The following SETD1A variants were observed in gnomAD, a reference collection of about 807,000 sequenced individuals.
The protein encoded by SETD1A is histone-lysine N-methyltransferase SETD1A.
Under a neutral mutation model 149.9 loss-of-function variants are expected in SETD1A, and 29 were observed. That is an observed-to-expected ratio of 0.19 (90% confidence interval 0.14 to 0.26). The LOEUF is 0.26. SETD1A is among the 10% of genes least tolerant of loss of function. The pLI is 1.00. For missense variants in SETD1A, 2,109 were observed against 2,353.1 expected (o/e 0.90, Z 2.15); for synonymous variants, 1,141 against 968.5 (o/e 1.18, Z -3.31).
Position 30,964,599 on chromosome 16 carries a change from G to T in SETD1A, c.870-13G>T, listed in dbSNP as rs752692999. On this transcript the variant is annotated splice_polypyrimidine_tract_variant and intron_variant, in intron 6 of 18. Transcript: ENST00000262519. ...AGAGCTGAGTCCAGCTAACTCCCCT[G>T]CTTCTTCTCCAGCACCACTTCAACC... The T allele has an allele frequency of 1.9e-5, 30 of 1,607,378 alleles. 1 individual carries two copies. The Admixed American group carries it at 2.7e-4, about 14-fold the overall frequency.
At chr16:30,969,272 T>C (rs1441509117) in intron 10 of SETD1A, 33 bp from the exon 11 acceptor site, 1 of 1,598,700 alleles carries the variant, frequency 6.3e-7, no homozygotes, top group Non-Finnish European at 8.5e-7. Context: ...TGGTTGATGG[T>C]AAATTTCCCC....
rs2056354927 is a variant in SETD1A at position 30,980,273 on chromosome 16, C to T, written c.4408+79C>T. The T allele has an allele frequency of 2.0e-6, 3 of 1,485,128 alleles. No homozygotes were observed. The highest frequency in any genetic ancestry group is 2.7e-6 in the Non-Finnish European group (3 of 1,114,436). 92.0% of individuals were successfully genotyped at this position (1,485,128 alleles called of 1,614,324 possible). ...CAGGCACCTGCATCTGTGCCCCACTCTGTCTGCCTCCCCTCTGGCTCCAAG... is the reference window on the plus strand; with the variant it reads ...CAGGCACCTGCATCTGTGCCCCACTTTGTCTGCCTCCCCTCTGGCTCCAAG... On this transcript the variant is annotated intron_variant, in intron 14 of 18. Transcript: ENST00000262519. The surrounding 1 kb of genome is among the most constrained non-coding windows in gnomAD (Gnocchi z 7.7).
chr16:30,974,231 A>G (rs147629985), intron 13 of SETD1A, among the ~76,000 whole-genome samples: 2 of 152,252 alleles, frequency 1.3e-5, no homozygotes, highest in Non-Finnish European at 2.9e-5. Context: ...TGATGAGTGT[A>G]GTTGAGGTTG....
At chr16:30,971,919 A>G (rs2056230467) in intron 13 of SETD1A, among the ~76,000 whole-genome samples, 200 bp downstream of exon 13, 2 of 152,242 alleles carry the variant, frequency 1.3e-5, no homozygotes, top group Non-Finnish European at 2.9e-5. Context: ...GGTGGTTTAC[A>G]GAACCCCAGG....
rs1211518291 is a variant in SETD1A at position 30,964,594 on chromosome 16, C to G, written c.870-18C>G. On this transcript the variant is annotated intron_variant, in intron 6 of 18. Coordinates refer to ENST00000262519, the MANE Select transcript of SETD1A (RefSeq NM_014712.3). ...CATAGAGAGCTGAGTCCAGCTAACTCCCCTGCTTCTTCTCCAGCACCACTT... is the reference window on the plus strand; with the variant it reads ...CATAGAGAGCTGAGTCCAGCTAACTGCCCTGCTTCTTCTCCAGCACCACTT... 1.9e-6 allele frequency: 3 copies of G among 1,605,678 alleles called. No individual in the cohort carries two copies. In the East Asian group the frequency reaches 6.7e-5, roughly 36 times the overall value.
At chr16:30,975,473 C>T (rs1279733513) in intron 13 of SETD1A, among the ~76,000 whole-genome samples, 5 of 148,700 alleles carry the variant, frequency 3.4e-5, no homozygotes, top group Non-Finnish European at 4.5e-5. Flanking sequence ...TTGTGTTACC[C>T]AGCCGGGAGT....
Position 30,979,478 on chromosome 16 carries a change from G to T in SETD1A, c.3692G>T (p.Ser1231Ile). The T allele has an allele frequency of 6.2e-7, 1 of 1,600,104 alleles. No homozygotes were observed. The highest frequency in any genetic ancestry group is 2.3e-5 in the East Asian group (1 of 44,304). The change falls in exon 14 of 19, where the codon AGC (serine) becomes ATC (isoleucine). Residue 1231 changes from serine to isoleucine, a missense_variant. By Grantham distance (142) the Ser-to-Ile change is moderately radical (BLOSUM62 -2). Transcript: ENST00000262519. The stretch of plus-strand genomic sequence containing the variant: ...GAGGAGGTGTCCCGAGGAGGCCGGA[G>T]CCGGGCTGGAGGCCGAGGCCGCCTC... ...WPEEVSRGGR[S>I]RAGGRGRLTE...
chr16:30,963,854 T>C (rs2056091621), intron 5 of SETD1A, among the ~76,000 whole-genome samples: 1 of 151,950 alleles, frequency 6.6e-6, no homozygotes, highest in Non-Finnish European at 1.5e-5. Flanking sequence ...TAGCCAGGCA[T>C]GGTGGTGGGC....
At position 30,967,029 on chromosome 16, in the gene SETD1A, TGA is replaced by T; in HGVS notation, c.2655_2656del (p.Ala887ProfsTer21). On this transcript the variant is annotated frameshift_variant, in exon 9 of 19. Coordinates refer to ENST00000262519, the MANE Select transcript of SETD1A (RefSeq NM_014712.3). LOFTEE classifies it high-confidence loss of function. ...GAGGCTTTCGCCTTTGGGTCAGGGC[TGA>T]GAGGGGCCCTGCGGCTGCCTTCATT... 1 of 1,598,974 alleles carries T rather than the reference TGA, an allele frequency of 6.3e-7. No homozygotes were observed.
chr16:30,960,854 C>T (rs2056043593), intron 3 of SETD1A, among the ~76,000 whole-genome samples: 1 of 150,330 alleles, frequency 6.7e-6, no homozygotes, highest in African/African-American at 2.4e-5. Flanking sequence ...TCCTGCCTCA[C>T]CCTCCTGAGT....
intron 13 of SETD1A, among the ~76,000 whole-genome samples, chr16:30,973,451 C>T (rs537240166): frequency 1.3e-5 from 2 of 152,010 alleles, no homozygotes; most frequent in Non-Finnish European, 2.9e-5. Context: ...GTCAGGAGTT[C>T]GAGACCGGCC....
At chr16:30,963,375 G>A in intron 4 of SETD1A, 58 bp from the exon 5 acceptor site, 1 of 1,493,342 alleles carries the variant, frequency 6.7e-7, no homozygotes, top group Non-Finnish European at 9.0e-7. Flanking sequence ...AGGAATACCA[G>A]ATCAGGAAGG....
intron 2 of SETD1A, 39 bp from the exon 3 acceptor site, chr16:30,959,052 C>T: frequency 1.3e-6 from 2 of 1,527,496 alleles, no homozygotes; most frequent in Non-Finnish European, 1.8e-6. Flanking sequence ...AGCCTGGATT[C>T]ACCCTGAGCT....
rs1445808689 is a variant in SETD1A, at chr16:30,983,772, G to A, written c.4950G>A (p.Thr1650=). The A allele has an allele frequency of 1.2e-6, 2 of 1,613,552 alleles. No homozygotes were observed. The highest frequency in any genetic ancestry group is 1.7e-6 in the Non-Finnish European group (2 of 1,179,566). ...CCAGATTCATCAACCACTGCTGCAC[G>A]GTGCGCCAGGGGCCAGCCGGGGCAG... The part of the protein sequence containing the change: ...NLARFINHCC[T]PNCYAKVITI... The change falls in exon 18 of 19, where the codon ACG becomes ACA. Residue 1650 remains threonine, a splice_region_variant and synonymous_variant. Transcript: ENST00000262519. The surrounding 1 kb of genome is among the most constrained non-coding windows in gnomAD (Gnocchi z 6.8).
intron 1 of SETD1A, 103 bp from the exon 2 acceptor site, chr16:30,958,612 CTG>C: frequency 1.0e-6 from 1 of 987,062 alleles, no homozygotes; most frequent in South Asian, 1.5e-5. Flanking sequence ...GGGTTGGAAA[CTG>C]GAGTGATGGG....
At chr16:30,969,768 A>G (rs1170026369) in intron 12 of SETD1A, 79 bp downstream of exon 12, 8 of 1,118,930 alleles carry the variant, frequency 7.1e-6, no homozygotes, top group Non-Finnish European at 8.2e-6. Context: ...CTGAGCCCAC[A>G]TGACCTTCCT....
Position 30,979,803 on chromosome 16 carries a change from C to T in SETD1A, c.4017C>T (p.Pro1339=), listed in dbSNP as rs530674886. The change falls in exon 14 of 19, where the codon CCC becomes CCT. Residue 1339 remains proline (P), a synonymous_variant. Transcript: ENST00000262519. The stretch of plus-strand genomic sequence containing the variant: ...CAGCTGATGAGGTCCTGGAGGCCCC[C>T]GAGGTGGTGGTGGCTGAGGCGGAGG... The part of the protein sequence containing the change: ...SSPADEVLEA[P]EVVVAEAEEP... 6.9e-5 allele frequency: 109 copies of T among 1,573,408 alleles called. 1 individual carries two copies. The highest frequency in any genetic ancestry group is 2.6e-4 in the South Asian group (23 of 88,168).
chr16:30,981,316 C>T, intron 17 of SETD1A, 136 bp downstream of exon 17: 1 of 1,136,576 alleles, frequency 8.8e-7, no homozygotes, highest in Non-Finnish European at 1.3e-6. Flanking sequence ...ACCAGCCTCC[C>T]TCCGGTGTGG....
At chr16:30,977,327 CTGGGGAGGGGCAGGT>C (rs1286707303) in intron 13 of SETD1A, among the ~76,000 whole-genome samples, 1 of 152,222 alleles carries the variant, frequency 6.6e-6, no homozygotes, top group Non-Finnish European at 1.5e-5. Context: ...AGTGATGGCC[CTGGGGAGGGGCAGGT>C]TATGCAGTAG....
Sources: allele counts gnomAD v4.1 joint callset (sites outside exome capture counted in the v4.1 genomes callset), GRCh38; gene constraint gnomAD v4.1.1; non-coding constraint Gnocchi (gnomAD v3.1); transcripts MANE v1.5; gene names NCBI Gene and HGNC (gene_info 2026-07-23, HGNC 2026-07-21).